COG5: variants seen among roughly 807,000 people sequenced by gnomAD.
COG5 encodes component of oligomeric golgi complex 5.
Under a neutral mutation model 110.4 loss-of-function variants are expected in COG5, and 86 were observed. That is an observed-to-expected ratio of 0.78 (90% CI 0.65 to 0.93). COG5 has a LOEUF of 0.93. Ranked by LOEUF, COG5 falls within the 40% of genes least tolerant of loss-of-function variation. The pLI is 0.00. For synonymous variants in COG5, 360 were observed against 334.6 expected (o/e 1.08, Z -0.83); for missense variants, 1,077 against 987.0 (o/e 1.09, Z -1.22).
At chr7:107,511,371 A>T (rs1584915659) in intron 6 of COG5, among the ~76,000 whole-genome samples, 1 of 152,190 alleles carries the variant, frequency 6.6e-6, no homozygotes, top group Admixed American at 6.5e-5. Flanking sequence ...TGAATAGACC[A>T]ATAACAGACT....
At chr7:107,411,871 G>T (rs1007923463) in intron 7 of COG5, among the ~76,000 whole-genome samples, 8 of 152,022 alleles carry the variant, frequency 5.3e-5, no homozygotes, top group Admixed American at 1.3e-4. Context: ...AAATATCTGG[G>T]TATAATACAA....
intron 6 of COG5, among the ~76,000 whole-genome samples, chr7:107,510,196 G>C (rs1420598892): frequency 1.3e-5 from 2 of 152,116 alleles, no homozygotes; most frequent in East Asian, 1.9e-4. Context: ...TAAAGGGATG[G>C]AGGAAGATCT....
At chr7:107,324,551 A>ACT in intron 10 of COG5, 30 bp from the exon 11 acceptor site, 1 of 1,325,246 alleles carries the variant, frequency 7.5e-7, no homozygotes, top group Non-Finnish European at 1.1e-6. Flanking sequence ...ATTTTTTAAA[A>ACT]ATAAAAAAAT....
intron 14 of COG5, among the ~76,000 whole-genome samples, chr7:107,270,882 C>CTTTTTTTTTTTTTTTTTTTTTT (rs56971368): frequency 1.5e-5 from 1 of 68,748 alleles, no homozygotes; most frequent in African/African-American, 6.7e-5. Context: ...CTAACTAGAA[C>CTTTTTTTTTTTTTTTTTTTTTT]TTTTTTTTTT....
chr7:107,439,909 C>G (rs1018679054), intron 6 of COG5, among the ~76,000 whole-genome samples: 4 of 152,150 alleles, frequency 2.6e-5, no homozygotes, highest in African/African-American at 7.2e-5. Flanking sequence ...AGAGGCAGGC[C>G]TATGATTCTG....
At chr7:107,304,706 G>A (rs546198195) in intron 11 of COG5, among the ~76,000 whole-genome samples, 5 of 152,222 alleles carry the variant, frequency 3.3e-5, no homozygotes, top group Admixed American at 6.5e-5. Flanking sequence ...TGCTTCTCCT[G>A]CATCTCCCTA....
intron 6 of COG5, among the ~76,000 whole-genome samples, chr7:107,439,448 C>G (rs1794576709): frequency 6.6e-6 from 1 of 152,108 alleles, no homozygotes; most frequent in Admixed American, 6.6e-5. Context: ...ACCACCAAAC[C>G]TGCTCTTTTC....
intron 6 of COG5, among the ~76,000 whole-genome samples, chr7:107,516,774 G>A (rs370458506): frequency 4.2e-4 from 64 of 152,112 alleles, no homozygotes; most frequent in Non-Finnish European, 1.9e-4. Context: ...AGAGGGGTCC[G>A]TTGGAAGAAA....
At chr7:107,545,421 A>G (rs185756028) in intron 5 of COG5, among the ~76,000 whole-genome samples, 112 of 152,304 alleles carry the variant, frequency 7.4e-4, no homozygotes, top group African/African-American at 2.6e-3. Context: ...CAAGATGGCT[A>G]TGAACAGATT....
At chr7:107,463,997 A>G (rs140729441) in intron 6 of COG5, among the ~76,000 whole-genome samples, 12 of 152,200 alleles carry the variant, frequency 7.9e-5, no homozygotes, top group Middle Eastern at 3.4e-3. Flanking sequence ...GAGCATCTCT[A>G]TTCAACAGAG....
intron 10 of COG5, among the ~76,000 whole-genome samples, chr7:107,345,906 C>T (rs1811562187): frequency 6.6e-6 from 1 of 152,080 alleles, no homozygotes. Context: ...AGCAAGCAGC[C>T]TAATCTGGTA....
chr7:107,360,386 C>A (rs1211224488), intron 10 of COG5, among the ~76,000 whole-genome samples: 4 of 152,166 alleles, frequency 2.6e-5, no homozygotes, highest in African/African-American at 9.7e-5. Flanking sequence ...AACTCAGGAC[C>A]CACCAAATGG....
intron 8 of COG5, among the ~76,000 whole-genome samples, chr7:107,370,851 A>G (rs1814095683): frequency 6.6e-6 from 1 of 151,018 alleles, no homozygotes; most frequent in Admixed American, 6.6e-5. Context: ...GCTTTTAAAG[A>G]AAATAATAAA....
chr7:107,373,403 G>A (rs1814357394), intron 7 of COG5, among the ~76,000 whole-genome samples: 1 of 152,114 alleles, frequency 6.6e-6, no homozygotes, highest in Admixed American at 6.6e-5. Flanking sequence ...TAGGGAATAA[G>A]AATAGAGTAT....
intron 7 of COG5, among the ~76,000 whole-genome samples, chr7:107,410,319 G>C (rs1792187004): frequency 6.6e-6 from 1 of 152,110 alleles, no homozygotes; most frequent in Non-Finnish European, 1.5e-5. Flanking sequence ...ACACATCTTT[G>C]ATCAATTTAA....
intron 10 of COG5, among the ~76,000 whole-genome samples, chr7:107,330,328 A>G (rs1810130497): frequency 6.6e-6 from 1 of 152,264 alleles, no homozygotes; most frequent in Admixed American, 6.5e-5. Context: ...GACACATATT[A>G]TTACATATAA....
intron 21 of COG5, among the ~76,000 whole-genome samples, chr7:107,204,655 G>C (rs762914120): frequency 6.6e-6 from 1 of 152,110 alleles, no homozygotes; most frequent in Non-Finnish European, 1.5e-5. Flanking sequence ...AATTGGGTTT[G>C]TTCAAGATTT....
At chr7:107,400,908 T>C (rs960311823) in intron 7 of COG5, among the ~76,000 whole-genome samples, 14 of 152,024 alleles carry the variant, frequency 9.2e-5, no homozygotes, top group East Asian at 1.9e-4. Context: ...CGTATGGTAA[T>C]TGACACATCG....
At chr7:107,261,350 C>T (rs148540954) in intron 14 of COG5, among the ~76,000 whole-genome samples, 10 of 152,052 alleles carry the variant, frequency 6.6e-5, no homozygotes, top group Admixed American at 2.0e-4. Flanking sequence ...GATACAGGAA[C>T]GTGCATAATT....
Sources: allele counts gnomAD v4.1 joint callset (sites outside exome capture counted in the v4.1 genomes callset), GRCh38; gene constraint gnomAD v4.1.1; transcripts MANE v1.5; gene names NCBI Gene and HGNC (gene_info 2026-07-23, HGNC 2026-07-21).